The following SEMA3E variants were observed in gnomAD, a reference collection of about 807,000 sequenced individuals.
SEMA3E encodes semaphorin-3E.
Under a neutral mutation model 93.6 loss-of-function variants are expected in SEMA3E, and 49 were observed. The observed-to-expected ratio is 0.52, with a 90% CI of 0.42 to 0.66. The LOEUF is 0.66. SEMA3E is among the 30% of genes least tolerant of loss of function. The pLI, the probability that SEMA3E is intolerant of heterozygous loss-of-function variation, is 0.00. For synonymous variants in SEMA3E, 363 were observed against 330.7 expected, an observed-to-expected ratio of 1.10 and a Z score of -1.06; for missense variants, 906 against 964.8, an observed-to-expected ratio of 0.94 and a Z score of 0.81.
intron 5 of SEMA3E, among the ~76,000 whole-genome samples, chr7:83,416,596 T>C (rs1788545310): frequency 6.6e-6 from 1 of 152,094 alleles, no homozygotes; most frequent in Admixed American, 6.6e-5. Flanking sequence ...TCCAATTCCC[T>C]TTTTATGATT....
intron 1 of SEMA3E, among the ~76,000 whole-genome samples, chr7:83,512,043 A>G (rs925838218): frequency 2.0e-5 from 3 of 152,192 alleles, no homozygotes; most frequent in African/African-American, 7.2e-5. Flanking sequence ...ACGATTCATT[A>G]GTTTTATTTT....
At chr7:83,533,304 G>A (rs1220983586) in intron 1 of SEMA3E, among the ~76,000 whole-genome samples, 1 of 152,146 alleles carries the variant, frequency 6.6e-6, no homozygotes, top group African/African-American at 2.4e-5. Flanking sequence ...CACTTTGGGA[G>A]GCCAAGGTGG....
At chr7:83,433,792 T>C (rs1234864971) in intron 4 of SEMA3E, among the ~76,000 whole-genome samples, 1 of 152,126 alleles carries the variant, frequency 6.6e-6, no homozygotes, top group Non-Finnish European at 1.5e-5. Flanking sequence ...TAAGGTGTTG[T>C]ATCATTTTAT....
Position 83,363,259 on chromosome 7 carries a change from A to C in SEMA3E, c.*4327T>G, listed in dbSNP as rs974476464. On this transcript the variant is annotated 3_prime_UTR_variant, in exon 17 of 17. Transcript: ENST00000643230. ...ACACTTGAGAGTTTAGCAAATATTT[A>C]TTTCTTTTTCATCGAAGTTGAGCCA... 2.0e-5 allele frequency: 3 copies of C among 152,226 alleles called. No individual in the cohort carries two copies. The highest frequency in any genetic ancestry group is 4.8e-5 in the African/African-American group (2 of 41,460). 9.4% of individuals were successfully genotyped at this position (152,226 alleles called of 1,614,324 possible).
intron 12 of SEMA3E, among the ~76,000 whole-genome samples, chr7:83,394,584 G>GTCTCT (rs5885349): frequency 1.3e-5 from 2 of 151,750 alleles, no homozygotes; most frequent in East Asian, 3.9e-4. Flanking sequence ...CTTACTGTTT[G>GTCTCT]GAATATGATT....
At chr7:83,517,827 A>T (rs763185833) in intron 1 of SEMA3E, among the ~76,000 whole-genome samples, 30 of 152,168 alleles carry the variant, frequency 2.0e-4, no homozygotes, top group Non-Finnish European at 4.0e-4. Flanking sequence ...CCTGGTTTGT[A>T]ACCACTATTG....
chr7:83,487,294 CTATT>C (rs1214612311), intron 2 of SEMA3E, among the ~76,000 whole-genome samples: 1 of 152,004 alleles, frequency 6.6e-6, no homozygotes, highest in African/African-American at 2.4e-5. Context: ...CATGAGTCAC[CTATT>C]TGTTATAAAC....
intron 13 of SEMA3E, among the ~76,000 whole-genome samples, chr7:83,393,124 TA>T (rs1788050892): frequency 6.6e-6 from 1 of 151,912 alleles, no homozygotes; most frequent in African/African-American, 2.4e-5. Flanking sequence ...GAAACATTCA[TA>T]GACATAAATG....
At chr7:83,543,886 A>G (rs3801535) in intron 1 of SEMA3E, among the ~76,000 whole-genome samples, 33,529 of 151,910 alleles carry the variant, frequency 0.22, 3,893 homozygotes, top group East Asian at 0.39. Flanking sequence ...TTATAGCACT[A>G]TATTTTCACA....
chr7:83,404,596 A>T (rs1357592910), intron 9 of SEMA3E, among the ~76,000 whole-genome samples: 1 of 151,952 alleles, frequency 6.6e-6, no homozygotes, highest in Non-Finnish European at 1.5e-5. Context: ...TTGTGTGTCA[A>T]AATATATGAA....
intron 4 of SEMA3E, among the ~76,000 whole-genome samples, chr7:83,464,390 C>T (rs1789704828): frequency 1.3e-5 from 2 of 148,584 alleles, no homozygotes. Context: ...AAAAACTTGT[C>T]ATCCCTACTA....
chr7:83,548,763 G>A (rs1584324185), intron 1 of SEMA3E, among the ~76,000 whole-genome samples: 2 of 152,082 alleles, frequency 1.3e-5, no homozygotes, highest in African/African-American at 2.4e-5. Context: ...ACACCACGCA[G>A]CCTTTTCCTC....
At chr7:83,430,181 T>TG (rs1788852340) in intron 4 of SEMA3E, among the ~76,000 whole-genome samples, 1 of 152,002 alleles carries the variant, frequency 6.6e-6, no homozygotes, top group Non-Finnish European at 1.5e-5. Flanking sequence ...AAAGCCAAAA[T>TG]GGGCCGGGTA....
chr7:83,595,842 G>C (rs1792861895), intron 1 of SEMA3E, among the ~76,000 whole-genome samples: 1 of 151,884 alleles, frequency 6.6e-6, no homozygotes, highest in African/African-American at 2.4e-5. Context: ...TGTCTGCCAG[G>C]TTTCTCCACT....
intron 10 of SEMA3E, among the ~76,000 whole-genome samples, chr7:83,400,633 T>C (rs1472163867): frequency 6.6e-6 from 1 of 152,042 alleles, no homozygotes; most frequent in East Asian, 1.9e-4. Flanking sequence ...AGAAATAGAA[T>C]CTTCCTCAGA....
intron 1 of SEMA3E, among the ~76,000 whole-genome samples, chr7:83,565,438 G>A (rs1792125159): frequency 6.6e-6 from 1 of 152,010 alleles, no homozygotes; most frequent in African/African-American, 2.4e-5. Flanking sequence ...GGGTCAATAG[G>A]TGCAAGAAAC....
Position 83,401,255 on chromosome 7 carries a change from A to G in SEMA3E, c.1144-1005T>C, listed in dbSNP as rs147149148. 9.3e-4 allele frequency among the ~76,000 whole-genome samples: 142 copies of G among 152,214 alleles called. 1 individual carries two copies. The highest frequency in any genetic ancestry group is 3.2e-3 in the African/African-American group (135 of 41,560). On this transcript the variant is annotated intron_variant, in intron 10 of 16. Coordinates refer to ENST00000643230, the MANE Select transcript of SEMA3E (RefSeq NM_012431.3). Reference sequence around the variant, plus strand: ...GTTAGTAACTGCTCCCTCGTTTTACATATTTTCCTCCAGAACTACAACAAT... The same window carrying G: ...GTTAGTAACTGCTCCCTCGTTTTACGTATTTTCCTCCAGAACTACAACAAT...
chr7:83,577,980 T>G (rs1792443316), intron 1 of SEMA3E, among the ~76,000 whole-genome samples: 1 of 152,104 alleles, frequency 6.6e-6, no homozygotes, highest in Non-Finnish European at 1.5e-5. Context: ...ACATTCATTT[T>G]GAGGAAACGT....
chr7:83,483,452 T>C (rs1790189445), intron 2 of SEMA3E, among the ~76,000 whole-genome samples: 1 of 152,184 alleles, frequency 6.6e-6, no homozygotes, highest in Non-Finnish European at 1.5e-5. Context: ...AAAATATTTA[T>C]AGTTTGATAA....
Sources: allele counts gnomAD v4.1 joint callset (sites outside exome capture counted in the v4.1 genomes callset), GRCh38; gene constraint gnomAD v4.1.1; transcripts MANE v1.5; gene names NCBI Gene and HGNC (gene_info 2026-07-23, HGNC 2026-07-21).